The following GALNT17 variants were observed in gnomAD, a reference collection of about 807,000 sequenced individuals.
GALNT17 encodes UDP-GalNAc:polypeptide N-acetylgalactosaminyltransferase-like 3.
A neutral mutation model predicts 63.7 loss-of-function variants in GALNT17; 29 were observed. The observed-to-expected ratio is 0.46, with a 90% CI of 0.34 to 0.62. The LOEUF (loss-of-function observed/expected upper bound fraction) is 0.62. Among genes scored for constraint, GALNT17 ranks in the 20% least tolerant of loss-of-function variants. GALNT17 has a pLI of 0.01. For missense variants in GALNT17, 603 were observed against 799.6 expected, an observed-to-expected ratio of 0.75 and a Z score of 2.97; for synonymous variants, 305 against 318.3, an observed-to-expected ratio of 0.96 and a Z score of 0.45.
chr7:71,150,110 C>A (rs1788102721), intron 1 of GALNT17, among the ~76,000 whole-genome samples: 1 of 152,104 alleles, frequency 6.6e-6, no homozygotes, highest in African/African-American at 2.4e-5. Context: ...TCCAGGGCAC[C>A]CTTCTCATTC....
chr7:71,564,288 T>C (rs201568646), intron 5 of GALNT17, among the ~76,000 whole-genome samples: 7 of 31,510 alleles, frequency 2.2e-4, no homozygotes, highest in African/African-American at 6.4e-4. Flanking sequence ...CTTTTTTTTT[T>C]TTTTTTTTTT....
At chr7:71,520,996 G>A (rs1012442264) in intron 5 of GALNT17, among the ~76,000 whole-genome samples, 1 of 152,184 alleles carries the variant, frequency 6.6e-6, no homozygotes, top group Non-Finnish European at 1.5e-5. Flanking sequence ...TGTCAGAAGT[G>A]CAAAGCTGAT....
chr7:71,171,613 GA>G (rs1392425247), intron 1 of GALNT17, among the ~76,000 whole-genome samples: 1 of 152,220 alleles, frequency 6.6e-6, no homozygotes, highest in Non-Finnish European at 1.5e-5. Context: ...TTTATATTCT[GA>G]AGTTTCTGTG....
In GALNT17 at chr7:71,701,839, ATGTG is replaced by A. The variant is rs1491314908; in HGVS notation, c.1501-8920_1501-8917del. Among the ~76,000 whole-genome samples, 12 of 51,700 alleles carry A rather than the reference ATGTG, an allele frequency of 2.3e-4. 1 individual carries two copies. The highest frequency in any genetic ancestry group is 1.8e-3 in the African/African-American group (12 of 6,736). The allele number at this position is 51,700 out of a possible 152,430, so 33.9% of individuals were successfully genotyped here. The stretch of plus-strand genomic sequence containing the variant: ...TACACATATATATACACATATATAT[ATGTG>A]TATATATATATACACATATATATAT... On this transcript the variant is annotated intron_variant, in intron 9 of 10. Coordinates refer to ENST00000333538, the MANE Select transcript of GALNT17 (RefSeq NM_022479.3).
chr7:71,444,251 C>A (rs77097410), intron 5 of GALNT17, among the ~76,000 whole-genome samples: 263 of 152,320 alleles, frequency 1.7e-3, no homozygotes, highest in African/African-American at 6.0e-3. Flanking sequence ...CCACATTCCC[C>A]TACCCATCCC....
intron 5 of GALNT17, among the ~76,000 whole-genome samples, chr7:71,437,209 C>T (rs1786981580): frequency 6.6e-6 from 1 of 152,154 alleles, no homozygotes; most frequent in Admixed American, 6.5e-5. Flanking sequence ...ACTCTGCATC[C>T]TTTTGTATCT....
intron 1 of GALNT17, among the ~76,000 whole-genome samples, chr7:71,302,763 C>T (rs1405772331): frequency 6.6e-6 from 1 of 152,160 alleles, no homozygotes; most frequent in Non-Finnish European, 1.5e-5. Context: ...GAACTTCCCC[C>T]TTTCAACATG....
chr7:71,342,500 C>G (rs28588236), intron 2 of GALNT17, among the ~76,000 whole-genome samples: 9 of 151,854 alleles, frequency 5.9e-5, no homozygotes, highest in African/African-American at 2.2e-4. Flanking sequence ...CTGATAGACA[C>G]AAAACAGCTT....
chr7:71,684,271 G>T (rs1013498936), intron 9 of GALNT17, among the ~76,000 whole-genome samples: 1 of 152,120 alleles, frequency 6.6e-6, no homozygotes, highest in Admixed American at 6.6e-5. Context: ...CCAGACAGCT[G>T]GTCAACCTTC....
intron 6 of GALNT17, among the ~76,000 whole-genome samples, chr7:71,606,104 T>A (rs145338803): frequency 7.6e-6 from 1 of 131,218 alleles, no homozygotes; most frequent in African/African-American, 2.9e-5. Context: ...CACACTCAGC[T>A]AATTTTTGTA....
intron 1 of GALNT17, among the ~76,000 whole-genome samples, chr7:71,332,381 A>G (rs1791821800): frequency 6.6e-6 from 1 of 152,092 alleles, no homozygotes; most frequent in Admixed American, 6.6e-5. Context: ...CCAAAATCTC[A>G]TATCCTGTGC....
At chr7:71,537,097 G>A (rs1007139879) in intron 5 of GALNT17, among the ~76,000 whole-genome samples, 1 of 152,072 alleles carries the variant, frequency 6.6e-6, no homozygotes, top group African/African-American at 2.4e-5. Context: ...TATCCTTCAA[G>A]GCTCATCCCA....
chr7:71,589,620 C>T (rs1465655499), intron 6 of GALNT17, among the ~76,000 whole-genome samples: 1 of 151,468 alleles, frequency 6.6e-6, no homozygotes, highest in Non-Finnish European at 1.5e-5. Context: ...TTGCCACTAA[C>T]AGTACTCCAG....
chr7:71,705,790 AAAGTTG>A (rs1791714948), intron 9 of GALNT17, among the ~76,000 whole-genome samples: 1 of 152,160 alleles, frequency 6.6e-6, no homozygotes, highest in South Asian at 2.1e-4. Context: ...GAAGCCTAGG[AAAGTTG>A]AAGCCAGAAC....
intron 6 of GALNT17, among the ~76,000 whole-genome samples, chr7:71,659,691 G>T (rs1375672986): frequency 6.6e-6 from 1 of 152,216 alleles, no homozygotes; most frequent in Non-Finnish European, 1.5e-5. Context: ...GGGGAAATAG[G>T]TTCAGCCTTT....
At chr7:71,421,740 A>G (rs911129970) in intron 5 of GALNT17, among the ~76,000 whole-genome samples, 6 of 152,168 alleles carry the variant, frequency 3.9e-5, no homozygotes, top group Non-Finnish European at 8.8e-5. Context: ...ACTTGAAGTC[A>G]GGAGTTCGAG....
At chr7:71,698,123 C>CAAAAAAAAAAAAAA (rs10708106) in intron 9 of GALNT17, among the ~76,000 whole-genome samples, 1 of 107,752 alleles carries the variant, frequency 9.3e-6, no homozygotes, top group African/African-American at 3.3e-5. Flanking sequence ...GACTCTGTCT[C>CAAAAAAAAAAAAAA]AAAAAAAAAA....
In GALNT17 at chr7:71,388,218, G is replaced by A. The variant is rs762705367; in HGVS notation, c.423-17G>A. 26 of 1,609,226 alleles carry A rather than the reference G, an allele frequency of 1.6e-5. 1 individual carries two copies. In the East Asian group the frequency reaches 3.8e-4, roughly 24 times the overall value. ...ATCCTTCCTCTGACTCTGCATTTCC[G>A]ATCTCTCCTTCCCCAGGTGTAAGGA... On this transcript the variant is annotated splice_polypyrimidine_tract_variant and intron_variant, in intron 2 of 10. Transcript: ENST00000333538.
At chr7:71,461,674 C>A (rs73700994) in intron 5 of GALNT17, among the ~76,000 whole-genome samples, 1,933 of 152,214 alleles carry the variant, frequency 0.013, 37 homozygotes, top group African/African-American at 0.044. Flanking sequence ...TTAACATATC[C>A]GCAGGGGAGG....
Sources: allele counts gnomAD v4.1 joint callset (sites outside exome capture counted in the v4.1 genomes callset), GRCh38; gene constraint gnomAD v4.1.1; transcripts MANE v1.5; gene names NCBI Gene and HGNC (gene_info 2026-07-23, HGNC 2026-07-21).